The following MTCL1 variants were observed in gnomAD, a reference collection of about 807,000 sequenced individuals.
MTCL1 encodes the protein microtubule crosslinking factor 1.
Under a neutral mutation model 141.4 loss-of-function variants are expected in MTCL1, and 79 were observed. The observed-to-expected ratio is 0.56, with a 90% CI of 0.47 to 0.67. MTCL1 has a LOEUF of 0.67. Ranked by LOEUF, MTCL1 falls within the 30% of genes least tolerant of loss-of-function variation. The probability of loss-of-function intolerance (pLI) is 0.00; values close to 1 mark genes in which losing one functional copy is unlikely to be tolerated. For missense variants in MTCL1, 2,177 were observed against 2,113.9 expected (o/e 1.03, Z -0.59); for synonymous variants, 914 against 875.8 (o/e 1.04, Z -0.77).
intron 4 of MTCL1, among the ~76,000 whole-genome samples, chr18:8,740,257 C>G (rs2096295388): frequency 6.6e-6 from 1 of 152,304 alleles, no homozygotes; most frequent in Middle Eastern, 3.4e-3. Context: ...GTTGTTTTCC[C>G]TTTAATCAAA....
chr18:8,814,411 A>G (rs1019843446), intron 12 of MTCL1, among the ~76,000 whole-genome samples: 17 of 152,204 alleles, frequency 1.1e-4, no homozygotes, highest in African/African-American at 4.1e-4. Context: ...TTGACCACTT[A>G]CACAAATGAG....
chr18:8,716,696 G>A (rs1167143464), upstream of MTCL1, among the ~76,000 whole-genome samples: 1 of 151,566 alleles, frequency 6.6e-6, no homozygotes, highest in Non-Finnish European at 1.5e-5. Context: ...AGGAACAAAG[G>A]GAATAGCAGG....
At chr18:8,714,340 C>G (rs2096112952), upstream of MTCL1, among the ~76,000 whole-genome samples, 1 of 152,082 alleles carries the variant, frequency 6.6e-6, no homozygotes, top group South Asian at 2.1e-4. Context: ...GGGTGAGGTG[C>G]TTAATAAACG....
intron 7 of MTCL1, among the ~76,000 whole-genome samples, chr18:8,792,563 CAGAA>C (rs1261375804): frequency 6.6e-6 from 1 of 152,204 alleles, no homozygotes; most frequent in Non-Finnish European, 1.5e-5. Flanking sequence ...TTATGCAACA[CAGAA>C]AGACCCCATG....
chr18:8,710,587 A>T lies in MTCL1; in HGVS notation c.1053+3874A>T, dbSNP rs2096083092. Among the ~76,000 whole-genome samples, 3 of 151,078 alleles carry T rather than the reference A, an allele frequency of 2.0e-5. No homozygotes were observed. In the South Asian group the frequency reaches 6.2e-4, roughly 31 times the overall value. On this transcript the variant is annotated intron_variant, in intron 1 of 13. Coordinates refer to the MTCL1 transcript ENST00000306329. ...GGATGACAATAATGGTTAAATATAC[A>T]CTTTAATAATTTAAAGTGATGAGTT...
At chr18:8,782,514 A>G (rs778822640) in intron 5 of MTCL1, 3 of 152,210 alleles carry the variant, frequency 2.0e-5, no homozygotes, top group African/African-American at 4.8e-5. Context: ...ACTGGACCCA[A>G]AAAGTGCCGT....
chr18:8,817,896 T>A lies in MTCL1; in HGVS notation c.2860-1067T>A, dbSNP rs542884803. Among the ~76,000 whole-genome samples, 17 of 152,324 alleles carry A rather than the reference T, an allele frequency of 1.1e-4. No homozygotes were observed. In the East Asian group the frequency reaches 3.1e-3, roughly 28 times the overall value. ...CTCAGTTGTGCTTTCTGTGGCTGTTTTAGAAAGGGAAGCAATGAGGAGGGA... is the reference window on the plus strand; with the variant it reads ...CTCAGTTGTGCTTTCTGTGGCTGTTATAGAAAGGGAAGCAATGAGGAGGGA... On this transcript the variant is annotated intron_variant, in intron 12 of 16. Coordinates refer to ENST00000359865, the Ensembl canonical transcript of MTCL1.
intron 4 of MTCL1, among the ~76,000 whole-genome samples, chr18:8,775,408 T>TAAAAAAAAA (rs780102071): frequency 2.2e-5 from 2 of 92,986 alleles, no homozygotes; most frequent in African/African-American, 4.1e-5. Flanking sequence ...TCGTCTCTAC[T>TAAAAAAAAA]AAAAAAAAAA....
chr18:8,726,286 C>CTTTTTTTTTTTTTTTTTT (rs77665680), intron 4 of MTCL1, among the ~76,000 whole-genome samples: 11 of 102,254 alleles, frequency 1.1e-4, no homozygotes, highest in Non-Finnish European at 1.3e-4. Context: ...TTCTTTTTTT[C>CTTTTTTTTTTTTTTTTTT]TTTTTTTTTT....
At chr18:8,737,314 A>C (rs1015831994) in intron 4 of MTCL1, among the ~76,000 whole-genome samples, 1 of 152,238 alleles carries the variant, frequency 6.6e-6, no homozygotes, top group East Asian at 1.9e-4. Flanking sequence ...GCTTAAACAG[A>C]GACAGGGAAG....
rs917897836 is a variant in MTCL1, at chr18:8,705,695, C to T, written c.35C>T (p.Ala12Val). 6 of 1,201,156 alleles carry T rather than the reference C, an allele frequency of 5.0e-6. No individual in the cohort carries two copies. The African/African-American group carries it at 9.5e-5, about 19-fold the overall frequency. 74.4% of individuals were successfully genotyped at this position (1,201,156 alleles called of 1,614,324 possible). ...CTGAACGGCCCCGCGGGCGGAGGTG[C>T]CCCGGACGCGAAGCTGCAGCCGCCC... Residue 12 changes from alanine to valine, a missense_variant, in exon 1 of 14, where the codon GCC (alanine) becomes GTC (valine). Ala to Val is a moderately conservative substitution (Grantham distance 64, BLOSUM62 0). Transcript: ENST00000306329. The surrounding 1 kb of genome is among the most constrained non-coding windows in gnomAD (Gnocchi z 5.2).
In MTCL1 at chr18:8,813,151, A is replaced by T. The variant is rs2076540978; in HGVS notation, c.2777A>T (p.Lys926Met). The T allele has an allele frequency of 3.1e-6, 5 of 1,614,004 alleles. No homozygotes were observed. In the South Asian group the frequency reaches 5.5e-5, roughly 18 times the overall value. ...AGCGAGAAGAACTGGAACCGGGAGA[A>T]GGTGGAACTTCTCGACCGCCTGGAC... is the stretch of plus-strand genomic sequence containing the variant. Residue 926 changes from lysine (K) to methionine (M), a missense_variant, in exon 12 of 17, where the codon AAG (lysine) becomes ATG (methionine). Transcript: ENST00000359865.
chr18:8,814,394 C>T (rs536237215), intron 12 of MTCL1, among the ~76,000 whole-genome samples: 2 of 152,270 alleles, frequency 1.3e-5, no homozygotes, highest in African/African-American at 2.4e-5. Flanking sequence ...TGAAACTCTT[C>T]GTAGGTTTGA....
At chr18:8,707,718 C>T (rs1165169072) in intron 1 of MTCL1, 1 of 152,336 alleles carries the variant, frequency 6.6e-6, no homozygotes, top group Admixed American at 6.5e-5. Flanking sequence ...GGCCCTGCTT[C>T]TTCAGTGGGT....
At chr18:8,823,389 T>C (rs751127686) in intron 14 of MTCL1, among the ~76,000 whole-genome samples, 1 of 152,214 alleles carries the variant, frequency 6.6e-6, no homozygotes, top group Non-Finnish European at 1.5e-5. Flanking sequence ...AGATGAGCTA[T>C]GTCCACAGAA....
exon 17 of MTCL1, chr18:8,832,113 T>C: frequency 3.1e-6 from 1 of 325,358 alleles, no homozygotes; most frequent in South Asian, 4.8e-5. Flanking sequence ...AATAAAAGTT[T>C]TAAAAAATGT....
intron 4 of MTCL1, among the ~76,000 whole-genome samples, chr18:8,728,973 T>A (rs2096235117): frequency 6.6e-6 from 1 of 151,808 alleles, no homozygotes; most frequent in African/African-American, 2.4e-5. Flanking sequence ...TGACCTCAGG[T>A]GATCCACCCA....
At chr18:8,795,525 C>T (rs898531703) in intron 8 of MTCL1, among the ~76,000 whole-genome samples, 1 of 152,054 alleles carries the variant, frequency 6.6e-6, no homozygotes, top group Non-Finnish European at 1.5e-5. Flanking sequence ...GTGTCTATAC[C>T]GGGGGTGTTT....
At chr18:8,782,719 TAA>T (rs2096536882) in intron 5 of MTCL1, 1 of 152,230 alleles carries the variant, frequency 6.6e-6, no homozygotes, top group Non-Finnish European at 1.5e-5. Flanking sequence ...GAAAGGAACG[TAA>T]GTAAAGGCTC....
Sources: gnomAD v4.1 joint callset for allele counts (sites outside exome capture counted in the v4.1 genomes callset) on GRCh38, gnomAD v4.1.1 for gene constraint, Gnocchi (gnomAD v3.1) non-coding constraint, MANE v1.5 for transcripts, NCBI Gene and HGNC (gene_info 2026-07-23, HGNC 2026-07-21) for gene names.